The following TPD52L1 variants were observed in gnomAD, a reference collection of about 807,000 sequenced individuals.
TPD52L1 encodes tumor protein D53.
A neutral mutation model predicts 28.7 loss-of-function variants in TPD52L1; 18 were observed. That is an observed-to-expected ratio of 0.63 (90% CI 0.43 to 0.93). The LOEUF (loss-of-function observed/expected upper bound fraction) is 0.93, where lower values mean the gene tolerates loss of function less well. Ranked by LOEUF, TPD52L1 falls within the 40% of genes least tolerant of loss-of-function variation. The pLI is 0.00. For synonymous variants in TPD52L1, 75 were observed against 88.8 expected, an observed-to-expected ratio of 0.84 and a Z score of 0.88; for missense variants, 203 against 254.8, an observed-to-expected ratio of 0.80 and a Z score of 1.39.
intron 1 of TPD52L1, among the ~76,000 whole-genome samples, chr6:125,215,714 G>A (rs1794816623): frequency 6.6e-6 from 1 of 152,156 alleles, no homozygotes; most frequent in African/African-American, 2.4e-5. Flanking sequence ...GCTACCGGCT[G>A]GGTACTGGGT....
At chr6:125,169,643 T>C (rs1791148295) in intron 1 of TPD52L1, among the ~76,000 whole-genome samples, 1 of 152,220 alleles carries the variant, frequency 6.6e-6, no homozygotes, top group African/African-American at 2.4e-5. Flanking sequence ...GACAGCTTCC[T>C]ACCACCTCTG....
chr6:125,211,295 C>T lies in TPD52L1; in HGVS notation c.20-8783C>T, dbSNP rs148014616. ...TCTATCTATCTATCTATCTATCTAT[C>T]TATCTATCTATCGTGTAACACATAT... On this transcript the variant is annotated intron_variant, in intron 1 of 6. Coordinates refer to ENST00000534000, the MANE Select transcript of TPD52L1 (RefSeq NM_003287.4). 4.6e-3 allele frequency among the ~76,000 whole-genome samples: 686 copies of T among 150,270 alleles called. 3 individuals carry two copies. Among genetic ancestry groups the T allele is most frequent in the Middle Eastern group, 0.01 (3 of 294 alleles).
At chr6:125,228,112 G>A (rs7776150) in intron 2 of TPD52L1, among the ~76,000 whole-genome samples, 91,397 of 152,000 alleles carry the variant, frequency 0.6, 29,610 homozygotes, top group African/African-American at 0.85. Context: ...AAAAATGAGT[G>A]TATACTCTAT....
At chr6:125,206,725 T>C (rs778888339) in intron 1 of TPD52L1, among the ~76,000 whole-genome samples, 15 of 152,200 alleles carry the variant, frequency 9.9e-5, no homozygotes, top group Non-Finnish European at 2.2e-4. Flanking sequence ...AATCCATCCA[T>C]TGAATGTTTT....
intron 1 of TPD52L1, among the ~76,000 whole-genome samples, chr6:125,210,749 T>C (rs916374982): frequency 6.6e-6 from 1 of 152,236 alleles, no homozygotes; most frequent in African/African-American, 2.4e-5. Flanking sequence ...ATGTGCTAAC[T>C]GATTATTATA....
chr6:125,160,626 C>G (rs943859311), intron 1 of TPD52L1, among the ~76,000 whole-genome samples: 21 of 152,188 alleles, frequency 1.4e-4, no homozygotes, highest in African/African-American at 4.6e-4. Flanking sequence ...GAGAGTCAGC[C>G]TGTACTTTGA....
At chr6:125,167,860 A>C (rs1582842310) in intron 1 of TPD52L1, among the ~76,000 whole-genome samples, 1 of 152,310 alleles carries the variant, frequency 6.6e-6, no homozygotes, top group Non-Finnish European at 1.5e-5. Flanking sequence ...TGTACTAAAA[A>C]AAAAAACAAA....
At chr6:125,157,807 G>A (rs1035300509) in intron 1 of TPD52L1, among the ~76,000 whole-genome samples, 1 of 143,046 alleles carries the variant, frequency 7.0e-6, no homozygotes, top group African/African-American at 2.8e-5. Flanking sequence ...GTTTCTCAAG[G>A]CCACTGTAAA....
intron 1 of TPD52L1, among the ~76,000 whole-genome samples, chr6:125,194,673 G>A (rs896653718): frequency 2.6e-5 from 4 of 152,148 alleles, no homozygotes; most frequent in South Asian, 2.1e-4. Flanking sequence ...ATGTGCTGCC[G>A]AAACGAGAAT....
intron 1 of TPD52L1, among the ~76,000 whole-genome samples, chr6:125,211,521 G>A (rs1293151253): frequency 1.3e-5 from 2 of 152,144 alleles, no homozygotes; most frequent in East Asian, 3.8e-4. Flanking sequence ...ATTTCCGGGA[G>A]GTGACAGTAT....
At chr6:125,176,641 A>T (rs1791839642) in intron 1 of TPD52L1, among the ~76,000 whole-genome samples, 1 of 152,200 alleles carries the variant, frequency 6.6e-6, no homozygotes, top group Non-Finnish European at 1.5e-5. Flanking sequence ...GTAATTTAAG[A>T]GCGTATCCTT....
intron 3 of TPD52L1, among the ~76,000 whole-genome samples, chr6:125,246,536 A>G (rs1012232018): frequency 2.6e-5 from 4 of 152,218 alleles, no homozygotes; most frequent in Non-Finnish European, 5.9e-5. Context: ...GATTTCATGT[A>G]TAAACTGCCT....
Position 125,156,747 on chromosome 6 carries a change from C to T in TPD52L1, c.19+2777C>T, listed in dbSNP as rs545895343. Among the ~76,000 whole-genome samples, 5 of 151,996 alleles carry T rather than the reference C, an allele frequency of 3.3e-5. No homozygotes were observed. In the South Asian group the frequency reaches 6.2e-4, roughly 19 times the overall value. ...TTACATCACTGCACCCCAGCTTGGG[C>T]GAGAGGGCAAGACTCTGTCTCAAAA... is the stretch of plus-strand genomic sequence containing the variant. On this transcript the variant is annotated intron_variant, in intron 1 of 6. Coordinates refer to ENST00000534000, the MANE Select transcript of TPD52L1 (RefSeq NM_003287.4).
chr6:125,256,680 A>C (rs1797622188), intron 5 of TPD52L1, among the ~76,000 whole-genome samples: 1 of 152,260 alleles, frequency 6.6e-6, no homozygotes, highest in Non-Finnish European at 1.5e-5. Flanking sequence ...CAAACATGAC[A>C]TTCATCATAT....
At chr6:125,204,517 T>C (rs1793989438) in intron 1 of TPD52L1, among the ~76,000 whole-genome samples, 1 of 152,102 alleles carries the variant, frequency 6.6e-6, no homozygotes, top group African/African-American at 2.4e-5. Context: ...TCTCACTCTG[T>C]CGCCCAGGCT....
chr6:125,225,845 C>G (rs573418095), intron 2 of TPD52L1, among the ~76,000 whole-genome samples: 153 of 152,214 alleles, frequency 1.0e-3, no homozygotes, highest in African/African-American at 3.5e-3. Flanking sequence ...AATCTAAGGC[C>G]TTGAACTCTC....
intron 3 of TPD52L1, among the ~76,000 whole-genome samples, chr6:125,235,119 T>C (rs1449217522): frequency 6.7e-6 from 1 of 149,550 alleles, no homozygotes; most frequent in Non-Finnish European, 1.5e-5. Flanking sequence ...ATAATAATAA[T>C]AATAATAATA....
intron 3 of TPD52L1, among the ~76,000 whole-genome samples, 177 bp downstream of exon 3, chr6:125,229,443 G>C (rs1795811296): frequency 6.6e-6 from 1 of 152,196 alleles, no homozygotes. Flanking sequence ...TGCATGTGAA[G>C]CAGATTCTAT....
At chr6:125,216,479 C>T (rs1794882764) in intron 1 of TPD52L1, among the ~76,000 whole-genome samples, 2 of 138,328 alleles carry the variant, frequency 1.4e-5, no homozygotes, top group Admixed American at 1.5e-4. Flanking sequence ...TTCATAATAT[C>T]CTATTGAATA....
Sources: allele counts gnomAD v4.1 joint callset (sites outside exome capture counted in the v4.1 genomes callset), GRCh38; gene constraint gnomAD v4.1.1; transcripts MANE v1.5; gene names NCBI Gene and HGNC (gene_info 2026-07-23, HGNC 2026-07-21).